Variants in FGF12 observed in about 807,000 individuals in gnomAD.
The protein encoded by FGF12 is fibroblast growth factor 12, also known as fibroblast growth factor 12B.
In FGF12, 14 loss-of-function variants were observed where a neutral mutation model predicts 23.6. The observed-to-expected ratio is 0.59, with a 90% CI of 0.39 to 0.93. FGF12 has a LOEUF of 0.93. FGF12 is among the 40% of genes least tolerant of loss of function. The pLI, the probability that FGF12 is intolerant of heterozygous loss-of-function variation, is 0.00. For missense variants in FGF12, 175 were observed against 217.8 expected, an observed-to-expected ratio of 0.80 and a Z score of 1.24; for synonymous variants, 62 against 77.3, an observed-to-expected ratio of 0.80 and a Z score of 1.04.
chr3:192,197,529 A>G (rs750686942), intron 4 of FGF12, among the ~76,000 whole-genome samples: 2 of 152,190 alleles, frequency 1.3e-5, no homozygotes, highest in Non-Finnish European at 2.9e-5. Flanking sequence ...GTCCCTCTGC[A>G]TTTGAAACAG....
intron 5 of FGF12, among the ~76,000 whole-genome samples, chr3:192,158,314 C>CTCTT (rs149884882): frequency 5.8e-5 from 7 of 120,752 alleles, no homozygotes; most frequent in East Asian, 2.6e-4. Flanking sequence ...TTTCCCTTTT[C>CTCTT]TCTTTCTTTC....
At chr3:192,411,830 A>T (rs1015982925) in intron 2 of FGF12, among the ~76,000 whole-genome samples, 1 of 152,212 alleles carries the variant, frequency 6.6e-6, no homozygotes, top group Non-Finnish European at 1.5e-5. Context: ...ATTATTGCTA[A>T]ATTTGGAGTC....
chr3:192,706,388 C>T (rs1718471659), intron 2 of FGF12, among the ~76,000 whole-genome samples: 1 of 152,122 alleles, frequency 6.6e-6, no homozygotes, highest in Admixed American at 6.6e-5. Flanking sequence ...AACAGAAGCA[C>T]ATGAGGCAAA....
chr3:192,155,391 G>T (rs955491052), intron 5 of FGF12, among the ~76,000 whole-genome samples: 4 of 152,164 alleles, frequency 2.6e-5, no homozygotes, highest in Non-Finnish European at 5.9e-5. Context: ...AATTTCGTAG[G>T]AATAAATCTA....
At chr3:192,307,577 G>T (rs1400035867) in intron 4 of FGF12, among the ~76,000 whole-genome samples, 1 of 152,176 alleles carries the variant, frequency 6.6e-6, no homozygotes, top group African/African-American at 2.4e-5. Flanking sequence ...TCTACAGGCA[G>T]AATTTTTTTA....
chr3:192,583,657 G>C (rs934064978), intron 2 of FGF12, among the ~76,000 whole-genome samples: 1 of 152,158 alleles, frequency 6.6e-6, no homozygotes, highest in Non-Finnish European at 1.5e-5. Flanking sequence ...TACAATTGAA[G>C]AGCAACGTCA....
intron 2 of FGF12, among the ~76,000 whole-genome samples, chr3:192,665,727 T>C (rs1248870562): frequency 6.6e-6 from 1 of 152,062 alleles, no homozygotes; most frequent in African/African-American, 2.4e-5. Context: ...ACAAACCACA[T>C]GGCACATATA....
At chr3:192,283,122 G>A (rs576505758) in intron 4 of FGF12, 83 of 152,156 alleles carry the variant, frequency 5.5e-4, no homozygotes, top group African/African-American at 2.0e-3. Context: ...CAACAGGTAT[G>A]AGAAAAATTT....
intron 2 of FGF12, among the ~76,000 whole-genome samples, chr3:192,399,792 C>A (rs1015671430): frequency 3.9e-5 from 6 of 152,204 alleles, no homozygotes; most frequent in Admixed American, 2.6e-4. Flanking sequence ...ATTCAGCATA[C>A]AGATCCTATT....
intron 4 of FGF12, among the ~76,000 whole-genome samples, chr3:192,319,958 A>G (rs1443276545): frequency 2.0e-5 from 3 of 152,194 alleles, no homozygotes; most frequent in Admixed American, 2.0e-4. Flanking sequence ...CAAAACAACC[A>G]TTAAACAAAT....
chr3:192,391,856 T>C (rs545858664), intron 2 of FGF12, among the ~76,000 whole-genome samples: 1 of 152,356 alleles, frequency 6.6e-6, no homozygotes, highest in South Asian at 2.1e-4. Context: ...AGCCACCTTG[T>C]ATCAGGAAGA....
At chr3:192,559,657 T>TA (rs1577053690) in intron 2 of FGF12, among the ~76,000 whole-genome samples, 1 of 151,018 alleles carries the variant, frequency 6.6e-6, no homozygotes, top group Non-Finnish European at 1.5e-5. Flanking sequence ...ATAATAAAAC[T>TA]AAAAAAAGAA....
intron 2 of FGF12, among the ~76,000 whole-genome samples, chr3:192,595,670 C>G (rs1285289719): frequency 1.3e-5 from 2 of 152,152 alleles, no homozygotes; most frequent in African/African-American, 4.8e-5. Context: ...AGTGCAGGGA[C>G]CACACTTGGA....
At chr3:192,180,010 G>A (rs1358495669) in intron 4 of FGF12, among the ~76,000 whole-genome samples, 1 of 152,128 alleles carries the variant, frequency 6.6e-6, no homozygotes, top group South Asian at 2.1e-4. Flanking sequence ...TGTAGTTGTG[G>A]ATCCACATAA....
rs1293971591 is a variant in FGF12, at chr3:192,344,776, T to C, written c.125-9312A>G. The stretch of plus-strand genomic sequence containing the variant: ...TAATCCTGATAATATCATATAACCT[T>C]TCCTATGATAGTTCAAAAATGTTCA... On this transcript the variant is annotated intron_variant, in intron 3 of 5. Coordinates refer to ENST00000445105, the MANE Select transcript of FGF12 (RefSeq NM_004113.6). Among the ~76,000 whole-genome samples the C allele has an allele frequency of 2.6e-5, 4 of 152,314 alleles. 1 individual carries two copies. Among genetic ancestry groups the C allele is most frequent in the Admixed American group, 2.6e-4 (4 of 15,292 alleles).
intron 5 of FGF12, among the ~76,000 whole-genome samples, chr3:192,158,655 C>CCCTTCCTTCCCTCCCCCTTCCTTCTTT (rs147104669): frequency 7.4e-5 from 2 of 27,070 alleles, no homozygotes; most frequent in South Asian, 3.5e-3. Context: ...CTCCCTCCCT[C>CCCTTCCTTCCCTCCCCCTTCCTTCTTT]CCTTCCTTCC....
At position 192,581,473 on chromosome 3, in the gene FGF12, T is replaced by C. The variant is rs1029953007; in HGVS notation, c.13+145708A>G. On this transcript the variant is annotated intron_variant, in intron 2 of 5. Transcript: ENST00000445105. ...GTGTGTGTATATATATATGTATATA[T>C]ATGTGTGTGTGTGTATATATATATA... Among the ~76,000 whole-genome samples the C allele has an allele frequency of 1.2e-3, 94 of 76,928 alleles. 1 individual carries two copies. The highest frequency in any genetic ancestry group is 6.3e-3 in the Middle Eastern group (1 of 160). 50.5% of individuals were successfully genotyped at this position (76,928 alleles called of 152,430 possible).
At chr3:192,262,317 T>A (rs992370088) in intron 4 of FGF12, among the ~76,000 whole-genome samples, 1 of 152,156 alleles carries the variant, frequency 6.6e-6, no homozygotes, top group Non-Finnish European at 1.5e-5. Context: ...TGTAAGAGAT[T>A]CAAAAACACT....
At chr3:192,213,384 T>A (rs1185656258) in intron 4 of FGF12, among the ~76,000 whole-genome samples, 1 of 152,198 alleles carries the variant, frequency 6.6e-6, no homozygotes, top group Non-Finnish European at 1.5e-5. Flanking sequence ...TTTGAAACTC[T>A]AAATCCAATA....
Sources: gnomAD v4.1 joint callset for allele counts (sites outside exome capture counted in the v4.1 genomes callset) on GRCh38, gnomAD v4.1.1 for gene constraint, MANE v1.5 for transcripts, NCBI Gene and HGNC (gene_info 2026-07-23, HGNC 2026-07-21) for gene names.